The following PTPRD variants were observed in gnomAD, a reference collection of about 807,000 sequenced individuals.
The protein encoded by PTPRD is protein tyrosine phosphatase receptor type D, also known as receptor-type tyrosine-protein phosphatase delta.
Under a neutral mutation model 214.5 loss-of-function variants are expected in PTPRD, and 34 were observed. The ratio of observed to expected loss-of-function variants is 0.16; its 90% CI spans 0.12 to 0.21. PTPRD has a LOEUF of 0.21. Among genes scored for constraint, PTPRD ranks in the 10% least tolerant of loss-of-function variants. The pLI, the probability that PTPRD is intolerant of heterozygous loss-of-function variation, is 1.00. For missense variants in PTPRD, 2,545 were observed against 2,398.7 expected (o/e 1.06, Z -1.27); for synonymous variants, 1,128 against 845.7 (o/e 1.33, Z -5.79).
At chr9:9,850,521 G>A (rs1240318248) in intron 5 of PTPRD, among the ~76,000 whole-genome samples, 2 of 151,910 alleles carry the variant, frequency 1.3e-5, no homozygotes, top group Non-Finnish European at 2.9e-5. Context: ...TAAATGGAAG[G>A]GGAAGAGAAT....
chr9:9,402,881 G>C (rs919637335), intron 8 of PTPRD, among the ~76,000 whole-genome samples: 7 of 139,184 alleles, frequency 5.0e-5, no homozygotes, highest in Admixed American at 7.9e-5. Context: ...ATGTTGCTCA[G>C]AGAAGCAATG....
At chr9:8,861,347 T>A (rs1566687454) in intron 11 of PTPRD, 1 of 152,242 alleles carries the variant, frequency 6.6e-6, no homozygotes. Context: ...GTTGCGAATC[T>A]AGTGGGTCAT....
intron 7 of PTPRD, among the ~76,000 whole-genome samples, chr9:9,676,881 G>A (rs1319885082): frequency 6.6e-6 from 1 of 152,170 alleles, no homozygotes; most frequent in Non-Finnish European, 1.5e-5. Flanking sequence ...GGCCAGTGAT[G>A]ATGAGCATTT....
chr9:8,412,941 C>G (rs1325252936), intron 35 of PTPRD, among the ~76,000 whole-genome samples: 3 of 151,952 alleles, frequency 2.0e-5, no homozygotes, highest in African/African-American at 7.2e-5. Context: ...TAAGTAGATT[C>G]AAAAGAAAAA....
intron 4 of PTPRD, among the ~76,000 whole-genome samples, chr9:9,972,791 T>C (rs1209613532): frequency 6.6e-6 from 1 of 152,108 alleles, no homozygotes; most frequent in Non-Finnish European, 1.5e-5. Flanking sequence ...ATTACTAGCT[T>C]TTGCTTCCTT....
At chr9:8,339,632 G>C (rs750180299) in intron 42 of PTPRD, among the ~76,000 whole-genome samples, 1 of 151,962 alleles carries the variant, frequency 6.6e-6, no homozygotes, top group African/African-American at 2.4e-5. Context: ...TGTTCTCTCC[G>C]GGGGCTCTAC....
intron 8 of PTPRD, among the ~76,000 whole-genome samples, chr9:9,461,176 G>C (rs2093621791): frequency 6.9e-6 from 1 of 144,646 alleles, no homozygotes; most frequent in Admixed American, 7.2e-5. Context: ...TAAAATGTAG[G>C]AGAATGGAAG....
rs1425013335 is a variant in PTPRD, at chr9:9,515,552, T to C, written c.-237+59180A>G. On this transcript the variant is annotated intron_variant, in intron 8 of 45. Transcript: ENST00000381196. Reference sequence around the variant, plus strand: ...AGAGAGAATGGTGGAGATGGAAAAATTGTTCTTTTCTCGAGGTGGTTGCAA... The same window carrying C: ...AGAGAGAATGGTGGAGATGGAAAAACTGTTCTTTTCTCGAGGTGGTTGCAA... Among the ~76,000 whole-genome samples, 3 of 152,016 alleles carry C rather than the reference T, an allele frequency of 2.0e-5. No homozygotes were observed. The East Asian group carries it at 5.8e-4, about 29-fold the overall frequency.
intron 12 of PTPRD, among the ~76,000 whole-genome samples, chr9:8,708,672 T>A (rs569534588): frequency 7.5e-5 from 8 of 106,714 alleles, no homozygotes; most frequent in Non-Finnish European, 1.3e-4. Context: ...AGAGCGAGAC[T>A]CTGTCTCAAA....
At position 9,964,494 on chromosome 9, in the gene PTPRD, C is replaced by G. The variant is rs145451430; in HGVS notation, c.-471-25884G>C. ...CTTAGCAGGATAGGACAATAGTTTCCTTCGCAGGAAAAAAGCAGAAAATTT... is the reference window on the plus strand; with the variant it reads ...CTTAGCAGGATAGGACAATAGTTTCGTTCGCAGGAAAAAAGCAGAAAATTT... On this transcript the variant is annotated intron_variant, in intron 4 of 45. Transcript: ENST00000381196. Among the ~76,000 whole-genome samples the G allele has an allele frequency of 6.2e-3, 946 of 152,208 alleles. 8 individuals are homozygous for G. The highest frequency in any genetic ancestry group is 0.017 in the Middle Eastern group (5 of 294).
intron 9 of PTPRD, among the ~76,000 whole-genome samples, chr9:9,363,733 G>T (rs1459739182): frequency 6.6e-6 from 1 of 151,296 alleles, no homozygotes; most frequent in Non-Finnish European, 1.5e-5. Context: ...CTCTAAGAGA[G>T]CTTTGTGAGC....
intron 3 of PTPRD, among the ~76,000 whole-genome samples, chr9:10,143,360 A>T (rs886566544): frequency 1.3e-5 from 2 of 152,190 alleles, no homozygotes; most frequent in African/African-American, 4.8e-5. Flanking sequence ...ACAATGAGAT[A>T]TCATCTTACA....
chr9:9,871,754 G>A (rs2065503601), intron 5 of PTPRD, among the ~76,000 whole-genome samples: 1 of 150,474 alleles, frequency 6.6e-6, no homozygotes, highest in Admixed American at 6.6e-5. Context: ...AAGGGGCCTG[G>A]GAGGAGAAGC....
At chr9:8,697,581 C>T (rs2097949526) in intron 12 of PTPRD, among the ~76,000 whole-genome samples, 2 of 151,592 alleles carry the variant, frequency 1.3e-5, no homozygotes, top group Non-Finnish European at 2.9e-5. Flanking sequence ...CGCCACCACA[C>T]CCGGCTAATT....
chr9:8,874,483 C>T (rs2154210701), intron 11 of PTPRD, among the ~76,000 whole-genome samples: 1 of 152,272 alleles, frequency 6.6e-6, no homozygotes, highest in East Asian at 1.9e-4. Context: ...TGTCATTGGC[C>T]TTCCCAATAT....
intron 10 of PTPRD, among the ~76,000 whole-genome samples, chr9:9,159,100 A>C (rs1376848748): frequency 6.6e-6 from 1 of 152,224 alleles, no homozygotes; most frequent in Admixed American, 6.5e-5. Flanking sequence ...ATCTAACTTC[A>C]CACTCAATAG....
intron 2 of PTPRD, among the ~76,000 whole-genome samples, chr9:10,551,053 G>A (rs1217491369): frequency 1.3e-5 from 2 of 152,076 alleles, no homozygotes; most frequent in East Asian, 1.9e-4. Context: ...TACATATTAG[G>A]CTGAGTGCAG....
intron 7 of PTPRD, among the ~76,000 whole-genome samples, chr9:9,585,552 C>T (rs951849709): frequency 6.6e-6 from 1 of 152,042 alleles, no homozygotes; most frequent in Non-Finnish European, 1.5e-5. Flanking sequence ...CCTGCTAAAA[C>T]CCACTTTGCT....
intron 6 of PTPRD, among the ~76,000 whole-genome samples, chr9:9,740,568 AGCCAG>A (rs1379044529): frequency 6.6e-6 from 1 of 151,962 alleles, no homozygotes; most frequent in Non-Finnish European, 1.5e-5. Context: ...TCACCGTGTT[AGCCAG>A]GATGGTCTGG....
Sources: allele counts gnomAD v4.1 joint callset (sites outside exome capture counted in the v4.1 genomes callset), GRCh38; gene constraint gnomAD v4.1.1; transcripts MANE v1.5; gene names NCBI Gene and HGNC (gene_info 2026-07-23, HGNC 2026-07-21).